The following NEK10 variants were observed in gnomAD, a reference collection of about 807,000 sequenced individuals.
NEK10 encodes serine/threonine-protein kinase Nek10.
A neutral mutation model predicts 159.8 loss-of-function variants in NEK10; 122 were observed. The observed-to-expected ratio is 0.76, with a 90% CI of 0.66 to 0.89. NEK10 has a LOEUF of 0.89. NEK10 is among the 40% of genes least tolerant of loss of function. The probability of loss-of-function intolerance (pLI) is 0.00; values close to 1 mark genes in which losing one functional copy is unlikely to be tolerated. For synonymous variants in NEK10, 466 were observed against 457.1 expected, an observed-to-expected ratio of 1.02 and a Z score of -0.25; for missense variants, 1,342 against 1,323.1, an observed-to-expected ratio of 1.01 and a Z score of -0.22.
chr3:27,366,539 C>T (rs1315382481), intron 1 of NEK10, among the ~76,000 whole-genome samples: 1 of 152,192 alleles, frequency 6.6e-6, no homozygotes, highest in African/African-American at 2.4e-5. Flanking sequence ...CTTCTTCCAC[C>T]TCCTGAAGAC....
intron 1 of NEK10, among the ~76,000 whole-genome samples, chr3:27,368,676 G>A (rs139689135): frequency 6.6e-6 from 1 of 152,270 alleles, no homozygotes; most frequent in East Asian, 1.9e-4. Flanking sequence ...CACATGTGTG[G>A]CGTTAACTTG....
chr3:27,195,076 C>G (rs1239615400), intron 25 of NEK10, among the ~76,000 whole-genome samples: 1 of 151,978 alleles, frequency 6.6e-6, no homozygotes, highest in Non-Finnish European at 1.5e-5. Flanking sequence ...TGTGTGAGCT[C>G]TACTTGACAA....
At chr3:27,179,899 G>A (rs982928228) in intron 26 of NEK10, among the ~76,000 whole-genome samples, 2 of 152,140 alleles carry the variant, frequency 1.3e-5, no homozygotes, top group African/African-American at 4.8e-5. Context: ...TGGCCAACAA[G>A]GTGAAACCTG....
Position 27,141,517 on chromosome 3 carries a change from A to C in NEK10, c.2935T>G (p.Leu979Val). 6.2e-7 allele frequency: 1 copy of C among 1,613,344 alleles called. No homozygotes were observed. Among genetic ancestry groups the C allele is most frequent in the Non-Finnish European group, 8.5e-7 (1 of 1,179,484 alleles). ...TAGATTATTTTGTGCAGCTGAATTAATATCTGCTGAATAGGATCACTGATC... is the reference window on the plus strand; with the variant it reads ...TAGATTATTTTGTGCAGCTGAATTACTATCTGCTGAATAGGATCACTGATC... ...RQISDPIQQI[L>V]IQLHKIIYIT... Residue 979 changes from leucine (L) to valine (V), a missense_variant, in exon 31 of 36, where the codon TTA becomes GTA. By Grantham distance (32) the Leu-to-Val change is conservative. Coordinates refer to ENST00000691995, the MANE Select transcript of NEK10 (RefSeq NM_001394966.1).
chr3:27,128,385 G>T (rs534671221), intron 32 of NEK10, among the ~76,000 whole-genome samples: 8 of 152,086 alleles, frequency 5.3e-5, no homozygotes, highest in Admixed American at 5.2e-4. Flanking sequence ...TGACATTAAC[G>T]CCCATTGGTG....
chr3:27,246,905 G>T lies in NEK10; in HGVS notation c.2090+9391C>A, dbSNP rs561443047. ...TTTCTTGATTTCTTTTTCACATTGT[G>T]CGCTGTTGGTGTATAGAAATGCTAC... On this transcript the variant is annotated intron_variant, in intron 23 of 35. Transcript: ENST00000691995. Among the ~76,000 whole-genome samples the T allele has an allele frequency of 5.3e-5, 8 of 152,124 alleles. No individual in the cohort carries two copies. In the South Asian group the frequency reaches 1.7e-3, roughly 32 times the overall value.
chr3:27,231,154 A>G (rs1177751651), intron 23 of NEK10, among the ~76,000 whole-genome samples: 1 of 152,060 alleles, frequency 6.6e-6, no homozygotes, highest in African/African-American at 2.4e-5. Flanking sequence ...TCAAAATCAT[A>G]TGAAGTATCT....
At chr3:27,355,303 C>T (rs982959727) in intron 1 of NEK10, among the ~76,000 whole-genome samples, 4 of 152,024 alleles carry the variant, frequency 2.6e-5, no homozygotes, top group African/African-American at 9.7e-5. Context: ...TTTTACATAC[C>T]ATCAGCAATT....
intron 25 of NEK10, among the ~76,000 whole-genome samples, chr3:27,193,115 TCAATAAATTGAAAA>T (rs1408229658): frequency 6.6e-6 from 1 of 152,204 alleles, no homozygotes; most frequent in Non-Finnish European, 1.5e-5. Flanking sequence ...TTGTAAAATT[TCAATAAATTGAAAA>T]GAAAATCCAC....
intron 1 of NEK10, among the ~76,000 whole-genome samples, chr3:27,366,807 ATTTT>A (rs3060370): frequency 1.8e-5 from 2 of 109,526 alleles, no homozygotes. Context: ...CAGTGTGTTC[ATTTT>A]TTTTTTTTTT....
At chr3:27,363,880 G>A (rs2048860507) in intron 1 of NEK10, 1 of 152,112 alleles carries the variant, frequency 6.6e-6, no homozygotes, top group Non-Finnish European at 1.5e-5. Context: ...AGGGTTAGAG[G>A]AGACTTGGTT....
At chr3:27,191,036 A>G (rs1049220007) in intron 26 of NEK10, among the ~76,000 whole-genome samples, 1 of 152,234 alleles carries the variant, frequency 6.6e-6, no homozygotes, top group Non-Finnish European at 1.5e-5. Flanking sequence ...AATGAAAACT[A>G]GATTCAGTCT....
In NEK10 at chr3:27,352,467, G is replaced by A; in HGVS notation, c.130C>T (p.Gln44Ter). Residue 44 changes from glutamine (Q) to a stop codon, truncating the protein, a stop_gained and splice_region_variant, in exon 3 of 36, where the codon CAG becomes TAG. Transcript: ENST00000691995. LOFTEE classifies it high-confidence loss of function. ...TGAACATTCTTTGAAAACGCTACCT[G>A]TTGTTTGCTTGATTGGACGTTCAAA... ...CLLNVQSSKQQLPAINFDSAQ... is the reference protein window; with the variant it reads ...CLLNVQSSKQ 2 of 1,606,688 alleles carry A rather than the reference G, an allele frequency of 1.2e-6. No individual in the cohort carries two copies. The highest frequency in any genetic ancestry group is 1.7e-6 in the Non-Finnish European group (2 of 1,173,398).
At position 27,191,979 on chromosome 3, in the gene NEK10, A is replaced by G. The variant is rs917681421; in HGVS notation, c.2505+50T>C. 3.3e-6 allele frequency: 5 copies of G among 1,521,818 alleles called. No individual in the cohort carries two copies. In the African/African-American group the frequency reaches 6.8e-5, roughly 21 times the overall value. The allele number at this position is 1,521,818 out of a possible 1,614,324, so 94.3% of individuals were successfully genotyped here. A position where few individuals can be genotyped will look rare whatever the true frequency, so the allele number is the denominator to read the frequency against. On this transcript the variant is annotated intron_variant, in intron 26 of 35. Coordinates refer to ENST00000691995, the MANE Select transcript of NEK10 (RefSeq NM_001394966.1). Reference sequence around the variant, plus strand: ...CCTTAAAACAAGCATGAACAACTTCAGACAGCCCATTAGAGTGCATCATGA... The same window carrying G: ...CCTTAAAACAAGCATGAACAACTTCGGACAGCCCATTAGAGTGCATCATGA...
intron 29 of NEK10, among the ~76,000 whole-genome samples, chr3:27,166,275 TG>T (rs1422353988): frequency 1.3e-5 from 2 of 152,218 alleles, no homozygotes; most frequent in Admixed American, 1.3e-4. Flanking sequence ...AATGCTCCTG[TG>T]GCTATCCCCT....
chr3:27,232,819 C>T (rs1953451504), intron 23 of NEK10, among the ~76,000 whole-genome samples: 1 of 152,024 alleles, frequency 6.6e-6, no homozygotes, highest in African/African-American at 2.4e-5. Flanking sequence ...GGAAAGGATA[C>T]ACTATTCAAT....
chr3:27,318,388 G>T (rs2045368503), intron 6 of NEK10, among the ~76,000 whole-genome samples: 1 of 152,182 alleles, frequency 6.6e-6, no homozygotes, highest in Admixed American at 6.5e-5. Context: ...TGCTACAATT[G>T]CTGTTCTCAA....
intron 24 of NEK10, among the ~76,000 whole-genome samples, 191 bp from the exon 25 acceptor site, chr3:27,201,771 C>A (rs781627030): frequency 3.9e-5 from 6 of 152,102 alleles, no homozygotes; most frequent in African/African-American, 7.2e-5. Flanking sequence ...TTATATTATC[C>A]AAGCTGAGTT....
intron 26 of NEK10, among the ~76,000 whole-genome samples, chr3:27,181,828 C>A (rs7634574): frequency 0.64 from 97,020 of 152,086 alleles, 33,190 homozygotes; most frequent in African/African-American, 0.91. Flanking sequence ...TAAATGCTTA[C>A]TAAATTTTGT....
Sources: gnomAD v4.1 joint callset for allele counts (sites outside exome capture counted in the v4.1 genomes callset) on GRCh38, gnomAD v4.1.1 for gene constraint, MANE v1.5 for transcripts, NCBI Gene and HGNC (gene_info 2026-07-23, HGNC 2026-07-21) for gene names.